Variants in TGM7 observed in about 807,000 individuals in gnomAD.
The protein encoded by TGM7 is transglutaminase 7, also known as protein-glutamine gamma-glutamyltransferase Z.
In TGM7, 74 loss-of-function variants were observed where a neutral mutation model predicts 79.5. The ratio of observed to expected loss-of-function variants is 0.93; its 90% CI spans 0.77 to 1.13. TGM7 has a LOEUF of 1.13. Ranked by LOEUF, TGM7 falls within the 50% of genes most tolerant of loss-of-function variation. The pLI is 0.00. For missense variants in TGM7, 912 were observed against 905.9 expected, an observed-to-expected ratio of 1.01 and a Z score of -0.09; for synonymous variants, 354 against 362.5, an observed-to-expected ratio of 0.98 and a Z score of 0.27.
intron 2 of TGM7, 79 bp downstream of exon 2, chr15:43,293,370 G>T: frequency 6.7e-7 from 1 of 1,496,630 alleles, no homozygotes; most frequent in Admixed American, 2.1e-5. Flanking sequence ...GGTGGGAAAG[G>T]CAGGGGCCCC....
chr15:43,278,518 T>C (rs1419248496), intron 11 of TGM7, among the ~76,000 whole-genome samples: 1 of 152,210 alleles, frequency 6.6e-6, no homozygotes, highest in Non-Finnish European at 1.5e-5. Flanking sequence ...TGGAGTGAAG[T>C]GGCATGATCT....
intron 4 of TGM7, among the ~76,000 whole-genome samples, chr15:43,289,317 GTTT>G (rs976240390): frequency 6.6e-6 from 1 of 151,966 alleles, no homozygotes; most frequent in African/African-American, 2.4e-5. Context: ...GTGGTGTTTG[GTTT>G]TTTTGTCCTT....
chr15:43,279,903 A>C lies in TGM7; in HGVS notation c.1400T>G (p.Leu467Arg). The C allele has an allele frequency of 6.2e-7, 1 of 1,614,224 alleles. No individual in the cohort carries two copies. The part of the protein sequence containing the change: ...AVFMKASRKM[L>R]GPQRASLPFL... The stretch of plus-strand genomic sequence containing the variant: ...GGGCAAAGAAGCTCTTTGGGGGCCC[A>C]GCATTTTCCGAGAAGCCTTCATGAA... Residue 467 changes from leucine to arginine, a missense_variant, in exon 10 of 13, where the codon CTG (leucine) becomes CGG (arginine). By Grantham distance (102) the Leu-to-Arg change is moderately radical. Transcript: ENST00000452443.
chr15:43,285,099 C>G (rs1401930751), intron 6 of TGM7, 147 bp from the exon 7 acceptor site: 2 of 798,238 alleles, frequency 2.5e-6, no homozygotes, highest in African/African-American at 3.5e-5. Context: ...CCCAGAGCCC[C>G]ACACCCAGTC....
In TGM7 at chr15:43,282,196, C is replaced by A. The variant is rs1486306028; in HGVS notation, c.1109-110G>T. 1.1e-5 allele frequency: 16 copies of A among 1,455,682 alleles called. No homozygotes were observed. In the East Asian group the frequency reaches 3.4e-4, roughly 31 times the overall value. 90.2% of individuals were successfully genotyped at this position (1,455,682 alleles called of 1,614,324 possible). A position where few individuals can be genotyped will look rare whatever the true frequency, so the allele number is the denominator to read the frequency against. On this transcript the variant is annotated intron_variant, in intron 8 of 12. Transcript: ENST00000452443. ...CCACTGACTCTCACCCGTGGGATAT[C>A]TTCCAGTTTACCAAGCACTTTTGTT...
At chr15:43,285,052 A>G in intron 6 of TGM7, 100 bp from the exon 7 acceptor site, 1 of 1,427,764 alleles carries the variant, frequency 7.0e-7, no homozygotes, top group South Asian at 1.2e-5. Context: ...AGAGAAAGCC[A>G]AGACGCTTAC....
rs762242696 is a variant in TGM7, at chr15:43,293,460, A to T, written c.182T>A (p.Val61Glu). 2.5e-6 allele frequency: 4 copies of T among 1,604,116 alleles called. No individual in the cohort carries two copies. Residue 61 changes from valine (V) to glutamate (E), a missense_variant, in exon 2 of 13, where the codon GTG (valine) becomes GAG (glutamate). By Grantham distance (121) the Val-to-Glu change is moderately radical. Transcript: ENST00000452443. The part of the protein sequence containing the change: ...FQSQNDHITF[V>E]AETGPKPSEL... ...CAGGGCAAACTCACCGGTCTCAGCC[A>T]CAAAGGTGATGTGGTCGTTCTGGGA...
At chr15:43,284,705 A>G in intron 7 of TGM7, 109 bp downstream of exon 7, 2 of 1,348,488 alleles carry the variant, frequency 1.5e-6, no homozygotes, top group East Asian at 2.3e-5. Context: ...ATTAGCAGCA[A>G]TGCTCAGGGC....
At chr15:43,297,587 TA>T (rs2043003945) in intron 1 of TGM7, among the ~76,000 whole-genome samples, 13 of 114,570 alleles carry the variant, frequency 1.1e-4, no homozygotes, top group African/African-American at 4.7e-4. Flanking sequence ...TCTGCATGTA[TA>T]GAAAGAAAGA....
At chr15:43,283,133 T>C (rs2042917923) in intron 7 of TGM7, among the ~76,000 whole-genome samples, 1 of 151,984 alleles carries the variant, frequency 6.6e-6, no homozygotes, top group Non-Finnish European at 1.5e-5. Context: ...ATATGCTTTC[T>C]TTCAGTGTGG....
At chr15:43,284,718 T>A in intron 7 of TGM7, 96 bp downstream of exon 7, 1 of 1,443,744 alleles carries the variant, frequency 6.9e-7, no homozygotes, top group Non-Finnish European at 9.7e-7. Context: ...CTCAGGGCAA[T>A]CTTGCAATAT....
intron 1 of TGM7, among the ~76,000 whole-genome samples, chr15:43,300,736 G>C (rs1394980188): frequency 6.6e-6 from 1 of 152,194 alleles, no homozygotes; most frequent in Non-Finnish European, 1.5e-5. Flanking sequence ...TGGAGGCGGA[G>C]CTTGCAGTGA....
chr15:43,285,095 G>GC (rs2142407889), intron 6 of TGM7, 143 bp from the exon 7 acceptor site: 1 of 834,086 alleles, frequency 1.2e-6, no homozygotes, highest in Non-Finnish European at 1.9e-6. Context: ...TATTCCCAGA[G>GC]CCCCACACCC....
Position 43,288,652 on chromosome 15 carries a change from AT to A in TGM7, c.559-984del. Reference sequence around the variant, plus strand: ...GTATCTGTAATTTGCTTAAAAAAAAATTTGCCGGCAGCAGTGGCTGTAATCC... The same window carrying A: ...GTATCTGTAATTTGCTTAAAAAAAAATTGCCGGCAGCAGTGGCTGTAATCC... On this transcript the variant is annotated intron_variant, in intron 4 of 12. Coordinates refer to ENST00000452443, the MANE Select transcript of TGM7 (RefSeq NM_052955.3). 3.3e-5 allele frequency among the ~76,000 whole-genome samples: 5 copies of A among 152,262 alleles called. No homozygotes were observed. The Middle Eastern group carries it at 0.014, about 414-fold the overall frequency.
intron 1 of TGM7, among the ~76,000 whole-genome samples, chr15:43,296,367 G>T (rs142962264): frequency 6.7e-6 from 1 of 148,950 alleles, no homozygotes; most frequent in East Asian, 2.0e-4. Context: ...AGAGGTTGCA[G>T]TGAGCCGAGG....
At chr15:43,283,222 A>G (rs185762242) in intron 7 of TGM7, among the ~76,000 whole-genome samples, 21 of 152,348 alleles carry the variant, frequency 1.4e-4, no homozygotes, top group African/African-American at 4.8e-4. Context: ...TAACCCCTGT[A>G]TAGTTCATAA....
intron 7 of TGM7, among the ~76,000 whole-genome samples, chr15:43,282,900 A>G (rs944610871): frequency 1.3e-5 from 2 of 152,164 alleles, no homozygotes; most frequent in Non-Finnish European, 2.9e-5. Flanking sequence ...AATACAAAAA[A>G]GTAGCTGGGC....
chr15:43,286,466 G>A (rs1003223775), intron 6 of TGM7, among the ~76,000 whole-genome samples: 7 of 152,136 alleles, frequency 4.6e-5, no homozygotes, highest in Non-Finnish European at 1.0e-4. Flanking sequence ...GAGGTCACTG[G>A]ATTCAAACAC....
rs1423178676 is a variant in TGM7, at chr15:43,282,068, G to A, written c.1127C>T (p.Pro376Leu). ...TTCCCTGATGGCCTTCACAGAGGCA[G>A]GGCCACAGCAGAACAGCCCTGTGGA... ...QTSSGLFCCG[P>L]ASVKAIREGD... The change falls in exon 9 of 13, where the codon CCT becomes CTT. Residue 376 changes from proline to leucine, a missense_variant. Transcript: ENST00000452443. The A allele has an allele frequency of 6.2e-7, 1 of 1,614,140 alleles. No individual in the cohort carries two copies. Among genetic ancestry groups the A allele is most frequent in the South Asian group, 1.1e-5 (1 of 91,072 alleles).
Sources: gnomAD v4.1 joint callset for allele counts (sites outside exome capture counted in the v4.1 genomes callset) on GRCh38, gnomAD v4.1.1 for gene constraint, MANE v1.5 for transcripts, NCBI Gene and HGNC (gene_info 2026-07-23, HGNC 2026-07-21) for gene names.